EYS: variants seen among roughly 807,000 people sequenced by gnomAD.
EYS encodes the protein protein eyes shut homolog.
A neutral mutation model predicts 282.1 loss-of-function variants in EYS; 250 were observed. The ratio of observed to expected loss-of-function variants is 0.89; its 90% CI spans 0.80 to 0.98. EYS has a LOEUF of 0.98. EYS is among the 50% of genes least tolerant of loss of function. EYS has a pLI of 0.00. For synonymous variants in EYS, 1,355 were observed against 1,282.9 expected, an observed-to-expected ratio of 1.06 and a Z score of -1.20; for missense variants, 4,016 against 3,709.0, an observed-to-expected ratio of 1.08 and a Z score of -2.15.
At chr6:64,514,632 T>TTTTGCC (rs1173706244) in intron 26 of EYS, among the ~76,000 whole-genome samples, 1 of 151,806 alleles carries the variant, frequency 6.6e-6, no homozygotes, top group Non-Finnish European at 1.5e-5. Context: ...CTTGTCAAAG[T>TTTTGCC]TTTGCCTTTA....
intron 2 of EYS, among the ~76,000 whole-genome samples, chr6:65,570,075 G>T (rs1582467978): frequency 1.3e-5 from 2 of 151,900 alleles, no homozygotes; most frequent in African/African-American, 2.4e-5. Flanking sequence ...CAACCTCAAT[G>T]CCTGGCAGGT....
At chr6:64,837,324 A>T (rs1765410054) in intron 19 of EYS, among the ~76,000 whole-genome samples, 1 of 151,486 alleles carries the variant, frequency 6.6e-6, no homozygotes, top group Non-Finnish European at 1.5e-5. Flanking sequence ...TAGAAGAAAC[A>T]CACTTCAGCA....
At chr6:65,130,697 G>A (rs1029324372) in intron 12 of EYS, among the ~76,000 whole-genome samples, 4 of 151,350 alleles carry the variant, frequency 2.6e-5, no homozygotes, top group African/African-American at 9.7e-5. Context: ...TGACTATTTG[G>A]TACTAAGCTT....
chr6:65,438,321 G>A (rs1768165471), intron 5 of EYS, among the ~76,000 whole-genome samples: 1 of 152,056 alleles, frequency 6.6e-6, no homozygotes, highest in South Asian at 2.1e-4. Context: ...AAACATACGT[G>A]TGCATGTGTC....
At chr6:65,333,730 CAT>C (rs35235542) in intron 11 of EYS, among the ~76,000 whole-genome samples, 3 of 150,978 alleles carry the variant, frequency 2.0e-5, no homozygotes, top group African/African-American at 2.4e-5. Flanking sequence ...TGTGTATATA[CAT>C]ATATATATAC....
chr6:64,497,403 T>C (rs1776923589), intron 26 of EYS, among the ~76,000 whole-genome samples: 1 of 152,158 alleles, frequency 6.6e-6, no homozygotes, highest in Non-Finnish European at 1.5e-5. Context: ...TTTGGATATC[T>C]TACATGGTTG....
chr6:63,826,128 A>G (rs763061706), intron 36 of EYS, among the ~76,000 whole-genome samples: 1 of 152,188 alleles, frequency 6.6e-6, no homozygotes, highest in Non-Finnish European at 1.5e-5. Context: ...ATAGAATTGA[A>G]CAAGTAGAAG....
chr6:64,728,227 T>C (rs892954969), intron 22 of EYS, among the ~76,000 whole-genome samples: 6 of 152,124 alleles, frequency 3.9e-5, no homozygotes, highest in African/African-American at 1.2e-4. Flanking sequence ...CCAGAGGATG[T>C]GAGTTACAGT....
rs1444227388 is a variant in EYS, at chr6:64,686,882, T to C, written c.3444-60637A>G. ...GTATATATATACGTGTATATATATATACACACACATATATATGTGTATATA... is the reference window on the plus strand; with the variant it reads ...GTATATATATACGTGTATATATATACACACACACATATATATGTGTATATA... On this transcript the variant is annotated intron_variant, in intron 22 of 42. Coordinates refer to ENST00000503581, the MANE Select transcript of EYS (RefSeq NM_001142800.2). 9.1e-5 allele frequency among the ~76,000 whole-genome samples: 9 copies of C among 99,010 alleles called. 2 individuals are homozygous for C. The highest frequency in any genetic ancestry group is 2.3e-4 in the East Asian group (1 of 4,380). The allele number at this position is 99,010 out of a possible 152,430, so 65.0% of individuals were successfully genotyped here. A position where few individuals can be genotyped will look rare whatever the true frequency, so the allele number is the denominator to read the frequency against.
chr6:64,085,322 G>A (rs1049347779), intron 31 of EYS, among the ~76,000 whole-genome samples: 8 of 121,616 alleles, frequency 6.6e-5, no homozygotes, highest in South Asian at 2.4e-4. Flanking sequence ...AGACGCGCGC[G>A]CGTGCGCACG....
intron 18 of EYS, among the ~76,000 whole-genome samples, chr6:64,887,072 A>G (rs114537241): frequency 6.6e-6 from 1 of 151,964 alleles, no homozygotes; most frequent in African/African-American, 2.4e-5. Context: ...TGGGTAAATA[A>G]TTACTGTAAC....
At chr6:64,888,980 TG>T (rs1767187822) in intron 18 of EYS, among the ~76,000 whole-genome samples, 1 of 152,104 alleles carries the variant, frequency 6.6e-6, no homozygotes, top group Non-Finnish European at 1.5e-5. Context: ...TTTCAATTTA[TG>T]TATTTCTTTC....
At chr6:64,618,694 C>A (rs1284066757) in intron 23 of EYS, among the ~76,000 whole-genome samples, 1 of 152,124 alleles carries the variant, frequency 6.6e-6, no homozygotes, top group Non-Finnish European at 1.5e-5. Context: ...GCAATGTCCA[C>A]ATCAAACTTA....
intron 2 of EYS, among the ~76,000 whole-genome samples, chr6:65,581,245 C>A (rs897666130): frequency 6.6e-6 from 1 of 151,798 alleles, no homozygotes; most frequent in Non-Finnish European, 1.5e-5. Flanking sequence ...AAAAGTGGCT[C>A]ATGTAGACTA....
intron 26 of EYS, among the ~76,000 whole-genome samples, chr6:64,562,674 GA>G (rs1203152685): frequency 6.6e-6 from 1 of 151,636 alleles, no homozygotes; most frequent in Non-Finnish European, 1.5e-5. Context: ...TTTTTCATCT[GA>G]AAAAAATAGA....
At chr6:64,684,238 T>C (rs141072323) in intron 22 of EYS, among the ~76,000 whole-genome samples, 82 of 152,284 alleles carry the variant, frequency 5.4e-4, no homozygotes, top group African/African-American at 1.9e-3. Context: ...AATGATATCT[T>C]TTAAGTGCTG....
At chr6:65,447,443 A>T (rs909131322) in intron 5 of EYS, among the ~76,000 whole-genome samples, 7 of 149,646 alleles carry the variant, frequency 4.7e-5, no homozygotes, top group Non-Finnish European at 1.0e-4. Flanking sequence ...ATCTTTCATA[A>T]TTTTTTTAGT....
intron 26 of EYS, among the ~76,000 whole-genome samples, chr6:64,527,166 C>T (rs1777948454): frequency 6.6e-6 from 1 of 151,726 alleles, no homozygotes; most frequent in Non-Finnish European, 1.5e-5. Flanking sequence ...TAGAGATTTA[C>T]TGAATATTTC....
In EYS at chr6:64,817,668, T is replaced by A. The variant is rs76407447; in HGVS notation, c.3243+3977A>T. Reference sequence around the variant, plus strand: ...CATGTTTATCTCCATAGGTGTTGAATGTTTAGCTGTCACTTATAAGTGAGA... The same window carrying A: ...CATGTTTATCTCCATAGGTGTTGAAAGTTTAGCTGTCACTTATAAGTGAGA... On this transcript the variant is annotated intron_variant, in intron 21 of 42. Transcript: ENST00000503581. Among the ~76,000 whole-genome samples, 260 of 152,272 alleles carry A rather than the reference T, an allele frequency of 1.7e-3. 1 individual carries two copies. Among genetic ancestry groups the A allele is most frequent in the African/African-American group, 5.7e-3 (237 of 41,560 alleles).
Sources: gnomAD v4.1 joint callset for allele counts (sites outside exome capture counted in the v4.1 genomes callset) on GRCh38, gnomAD v4.1.1 for gene constraint, MANE v1.5 for transcripts, NCBI Gene and HGNC (gene_info 2026-07-23, HGNC 2026-07-21) for gene names.